PDZD7: variants seen among roughly 807,000 people sequenced by gnomAD.
PDZD7 encodes the protein PDZ domain-containing protein 7.
In PDZD7, 72 loss-of-function variants were observed where a neutral mutation model predicts 84.7. That is an observed-to-expected ratio of 0.85 (90% CI 0.70 to 1.03). PDZD7 has a LOEUF of 1.03. PDZD7 is among the 50% of genes least tolerant of loss of function. The probability of loss-of-function intolerance (pLI) is 0.00; values close to 1 mark genes in which losing one functional copy is unlikely to be tolerated. For missense variants in PDZD7, 1,490 were observed against 1,412.9 expected (o/e 1.05, Z -0.87); for synonymous variants, 594 against 580.7 (o/e 1.02, Z -0.33).
chr10:101,030,228 G>T lies in PDZD7; in HGVS notation c.-9C>A. The T allele has an allele frequency of 6.3e-7, 1 of 1,590,136 alleles. No homozygotes were observed. The highest frequency in any genetic ancestry group is 8.5e-7 in the Non-Finnish European group (1 of 1,170,780). On this transcript the variant is annotated 5_prime_UTR_variant, in exon 2 of 17. Transcript: ENST00000619208. ...GCGAAACCCTGCGCCATGGCGGCTGGGCTAGGGCGGCACCCTACAGGTCCA... is the reference window on the plus strand; with the variant it reads ...GCGAAACCCTGCGCCATGGCGGCTGTGCTAGGGCGGCACCCTACAGGTCCA...
rs2134161972 is a variant in PDZD7 at position 101,030,250 on chromosome 10, T to G, written c.-31A>C. 1.3e-6 allele frequency: 2 copies of G among 1,554,952 alleles called. No homozygotes were observed. The highest frequency in any genetic ancestry group is 1.7e-6 in the Non-Finnish European group (2 of 1,149,272). Reference sequence around the variant, plus strand: ...CTGGGCTAGGGCGGCACCCTACAGGTCCAGAAGGAATCTGCTAGCTCTGGA... The same window carrying G: ...CTGGGCTAGGGCGGCACCCTACAGGGCCAGAAGGAATCTGCTAGCTCTGGA... On this transcript the variant is annotated 5_prime_UTR_variant, in exon 2 of 17. Transcript: ENST00000619208.
At chr10:101,010,054 G>T (rs182979964) in intron 15 of PDZD7, among the ~76,000 whole-genome samples, 1 of 151,996 alleles carries the variant, frequency 6.6e-6, no homozygotes, top group African/African-American at 2.4e-5. Context: ...CACCACACAC[G>T]GCTAATTCTT....
chr10:101,017,100 C>A (rs758356133), intron 9 of PDZD7, among the ~76,000 whole-genome samples: 5 of 152,094 alleles, frequency 3.3e-5, no homozygotes, highest in Non-Finnish European at 7.4e-5. Context: ...GGCTGGCCAA[C>A]AAAAGCACTT....
At chr10:101,012,488 T>A (rs1187961644) in intron 11 of PDZD7, among the ~76,000 whole-genome samples, 1 of 152,216 alleles carries the variant, frequency 6.6e-6, no homozygotes, top group African/African-American at 2.4e-5. Context: ...ACAGCATCGA[T>A]AACAGCTTTG....
chr10:101,008,203 C>A lies in PDZD7; in HGVS notation c.*264G>T. On this transcript the variant is annotated 3_prime_UTR_variant, in exon 17 of 17. Coordinates refer to ENST00000619208, the MANE Select transcript of PDZD7 (RefSeq NM_001195263.2). ...CCCAAGCTCCAGACCTTGGCTTTCT[C>A]ACCCCCTATCCTGGCTTGGGAGGTT... 1 of 497,916 alleles carries A rather than the reference C, an allele frequency of 2.0e-6. No homozygotes were observed. Among genetic ancestry groups the A allele is most frequent in the Non-Finnish European group, 3.5e-6 (1 of 284,126 alleles). 30.8% of individuals were successfully genotyped at this position (497,916 alleles called of 1,614,324 possible).
intron 2 of PDZD7, among the ~76,000 whole-genome samples, chr10:101,025,292 T>C (rs10883575): frequency 0.32 from 48,807 of 151,830 alleles, 10,858 homozygotes; most frequent in African/African-American, 0.63. Flanking sequence ...TCACTGCAAC[T>C]TCGGCCTCCC....
Position 101,015,674 on chromosome 10 carries a change from C to T in PDZD7, c.1711G>A (p.Asp571Asn). 1 of 1,550,450 alleles carries T rather than the reference C, an allele frequency of 6.4e-7. No homozygotes were observed. Among genetic ancestry groups the T allele is most frequent in the Non-Finnish European group, 8.7e-7 (1 of 1,146,956 alleles). The change falls in exon 11 of 17, where the codon GAT (aspartate) becomes AAT (asparagine). Residue 571 changes from aspartate to asparagine, a missense_variant. Asp to Asn is a conservative substitution (Grantham distance 23). Transcript: ENST00000619208. ...IQDLAQRLLT[D>N]DEVLAVTRHC... ...CGGGTGACAGCCAGCACCTCGTCAT[C>T]AGTCAGCAGCCTCTGGGCCAGGTCC...
chr10:101,012,588 A>C lies in PDZD7; in HGVS notation c.1750-330T>G, dbSNP rs528076725. ...AATTATTCCCGTTTTACAGATGCGG[A>C]AACAGGCTCAGAGAGAAGGACTTCA... On this transcript the variant is annotated intron_variant, in intron 11 of 16. Transcript: ENST00000619208. Among the ~76,000 whole-genome samples the C allele has an allele frequency of 3.8e-4, 15 of 39,102 alleles. No individual in the cohort carries two copies. The South Asian group carries it at 6.8e-3, about 18-fold the overall frequency. 25.7% of individuals were successfully genotyped at this position (39,102 alleles called of 152,430 possible).
Position 101,016,537 on chromosome 10 carries a change from G to A in PDZD7, c.1523-110C>T, listed in dbSNP as rs977807462. On this transcript the variant is annotated intron_variant, in intron 9 of 16. Transcript: ENST00000619208. ...GGAGAATTCAGACTGGAAGTAGGTG[G>A]GATAGGGAGGCAAGAGGCCTGGCCC... The A allele has an allele frequency of 2.5e-6, 3 of 1,186,026 alleles. No individual in the cohort carries two copies. In the African/African-American group the frequency reaches 4.6e-5, roughly 18 times the overall value. The allele number at this position is 1,186,026 out of a possible 1,614,324, so 73.5% of individuals were successfully genotyped here.
rs771908829 is a variant in PDZD7, at chr10:101,022,204, C to T, written c.719+5G>A. On this transcript the variant is annotated splice_donor_5th_base_variant and intron_variant, in intron 5 of 16. Transcript: ENST00000619208. ...CCCGAAGACACTTCCTGCCTCAGCC[C>T]TCACTTGGACACATAGATGCCCAGG... 1 of 1,614,188 alleles carries T rather than the reference C, an allele frequency of 6.2e-7. No homozygotes were observed. The highest frequency in any genetic ancestry group is 1.1e-5 in the South Asian group (1 of 91,092).
At position 101,023,563 on chromosome 10, in the gene PDZD7, G is replaced by A; in HGVS notation, c.415C>T (p.Leu139=). ...CCCATGGTGGTGCTCTCCAGGCTCA[G>A]CCCATTCACCTCCGTGATCTTGTCC... The part of the protein sequence containing the change: ...VGDKITEVNG[L]SLESTTMGSA... Residue 139 remains leucine, a synonymous_variant, in exon 4 of 17, where the codon CTG becomes TTG. Coordinates refer to ENST00000619208, the MANE Select transcript of PDZD7 (RefSeq NM_001195263.2). 6.2e-7 allele frequency: 1 copy of A among 1,613,882 alleles called. No individual in the cohort carries two copies. Among genetic ancestry groups the A allele is most frequent in the Non-Finnish European group, 8.5e-7 (1 of 1,180,030 alleles).
chr10:101,010,990 G>A, intron 14 of PDZD7, 107 bp from the exon 15 acceptor site: 1 of 1,521,306 alleles, frequency 6.6e-7, no homozygotes, highest in African/African-American at 1.4e-5. Context: ...GTTTGTTCAG[G>A]CACCACTGCA....
rs749824364 is a variant in PDZD7 at position 101,008,666 on chromosome 10, C to T, written c.2903G>A (p.Gly968Asp). 40 of 1,535,944 alleles carry T rather than the reference C, an allele frequency of 2.6e-5. No individual in the cohort carries two copies. In the African/African-American group the frequency reaches 4.8e-4, roughly 18 times the overall value. ...GGCAGGCAAGTGGTCAGCAGGAAGGCCCCCATCAGTAAGGGCTGATGAGTC... is the reference window on the plus strand; with the variant it reads ...GGCAGGCAAGTGGTCAGCAGGAAGGTCCCCATCAGTAAGGGCTGATGAGTC... The part of the protein sequence containing the change: ...PSDSSALTDG[G>D]LPADHLPAHQ... The change falls in exon 17 of 17, where the codon GGC becomes GAC. Residue 968 changes from glycine (G) to aspartate (D), a missense_variant. Gly to Asp is a moderately conservative substitution (Grantham distance 94). Transcript: ENST00000619208.
chr10:101,016,514 A>C (rs1852638550), intron 9 of PDZD7, 87 bp from the exon 10 acceptor site: 1 of 1,402,534 alleles, frequency 7.1e-7, no homozygotes, highest in Admixed American at 2.0e-5. Flanking sequence ...GCTGGAATGG[A>C]GAATTCAGAC....
At position 101,023,488 on chromosome 10, in the gene PDZD7, G is replaced by A. The variant is rs200664140; in HGVS notation, c.490C>T (p.Arg164Trp). ...TSSSRLHMMVRRMGRVPGIKF... is the reference protein window; with the variant it reads ...TSSSRLHMMVWRMGRVPGIKF... ...ATGCCCGGCACACGGCCCATGCGCC[G>A]AACCATCATGTGCAGGCGGCTGCTG... Residue 164 changes from arginine to tryptophan, a missense_variant, in exon 4 of 17, where the codon CGG (arginine) becomes TGG (tryptophan). Physicochemically the swap from Arg to Trp is moderately radical, Grantham distance 101. Coordinates refer to ENST00000619208, the MANE Select transcript of PDZD7 (RefSeq NM_001195263.2). 100 of 1,614,070 alleles carry A rather than the reference G, an allele frequency of 6.2e-5. 1 individual carries two copies. In the East Asian group the frequency reaches 2.0e-3, roughly 32 times the overall value.
Position 101,018,163 on chromosome 10 carries a change from T to C in PDZD7, c.1458A>G (p.Arg486=). Residue 486 remains arginine (R), a synonymous_variant, in exon 9 of 17, where the codon AGA becomes AGG. Coordinates refer to ENST00000619208, the MANE Select transcript of PDZD7 (RefSeq NM_001195263.2). The stretch of plus-strand genomic sequence containing the variant: ...TCCCGCTGTCCAGTGTCCAGGCCTC[T>C]CTGCGCCCGTCCCGCGCTAGCCTCC... ...RQGRLARDGR[R]EAWTLDSGSL... is the part of the protein sequence containing the mutation. 1 of 1,614,226 alleles carries C rather than the reference T, an allele frequency of 6.2e-7. No individual in the cohort carries two copies. The highest frequency in any genetic ancestry group is 8.5e-7 in the Non-Finnish European group (1 of 1,180,036).
At position 101,010,896 on chromosome 10, in the gene PDZD7, G is replaced by A. The variant is rs1459789617; in HGVS notation, c.2006-13C>T. ...CCTCCGCGGCTGTCTGGGGAAGAGC[G>A]CCAAGGTCAGCTGCCCACTCCTCCC... On this transcript the variant is annotated splice_polypyrimidine_tract_variant and intron_variant, in intron 14 of 16. Coordinates refer to ENST00000619208, the MANE Select transcript of PDZD7 (RefSeq NM_001195263.2). The A allele has an allele frequency of 2.0e-6, 3 of 1,529,394 alleles. No individual in the cohort carries two copies. Among genetic ancestry groups the A allele is most frequent in the Non-Finnish European group, 2.6e-6 (3 of 1,146,330 alleles). The allele number at this position is 1,529,394 out of a possible 1,614,324, so 94.7% of individuals were successfully genotyped here.
chr10:101,016,443 A>T lies in PDZD7; in HGVS notation c.1523-16T>A, dbSNP rs966199488. On this transcript the variant is annotated splice_polypyrimidine_tract_variant and intron_variant, in intron 9 of 16. Coordinates refer to ENST00000619208, the MANE Select transcript of PDZD7 (RefSeq NM_001195263.2). ...ACGCCCCCTGCTATGAAGAAGAAAGAGGCTCAGCTGCAGGCCTTGGCCCCC... is the reference window on the plus strand; with the variant it reads ...ACGCCCCCTGCTATGAAGAAGAAAGTGGCTCAGCTGCAGGCCTTGGCCCCC... 7 of 1,550,464 alleles carry T rather than the reference A, an allele frequency of 4.5e-6. No homozygotes were observed. In the African/African-American group the frequency reaches 8.2e-5, roughly 18 times the overall value.
At chr10:101,028,211 T>C (rs533280888) in intron 2 of PDZD7, among the ~76,000 whole-genome samples, 1 of 152,282 alleles carries the variant, frequency 6.6e-6, no homozygotes, top group South Asian at 2.1e-4. Context: ...TGCTAGGAGA[T>C]GCTGCTTCCT....
Sources: gnomAD v4.1 joint callset for allele counts (sites outside exome capture counted in the v4.1 genomes callset) on GRCh38, gnomAD v4.1.1 for gene constraint, MANE v1.5 for transcripts, NCBI Gene and HGNC (gene_info 2026-07-23, HGNC 2026-07-21) for gene names.